GUCY2C: variants seen among roughly 807,000 people sequenced by gnomAD.
GUCY2C encodes guanylate cyclase 2C, also known as guanylyl cyclase C.
In GUCY2C, 118 loss-of-function variants were observed where a neutral mutation model predicts 131.1. That is an observed-to-expected ratio of 0.90 (90% CI 0.78 to 1.05). GUCY2C has a LOEUF of 1.05. GUCY2C is among the 50% of genes least tolerant of loss of function. The probability of loss-of-function intolerance (pLI) is 0.00; values close to 1 mark genes in which losing one functional copy is unlikely to be tolerated. For synonymous variants in GUCY2C, 452 were observed against 457.8 expected (o/e 0.99, Z 0.16); for missense variants, 1,161 against 1,304.4 (o/e 0.89, Z 1.69).
chr12:14,635,243 A>G (rs1947240646), intron 19 of GUCY2C, among the ~76,000 whole-genome samples: 1 of 152,202 alleles, frequency 6.6e-6, no homozygotes, highest in Non-Finnish European at 1.5e-5. Flanking sequence ...ATTTATAAAG[A>G]ACCAGAATTA....
chr12:14,641,745 TG>T (rs1377296422), intron 17 of GUCY2C, among the ~76,000 whole-genome samples: 9 of 152,124 alleles, frequency 5.9e-5, no homozygotes, highest in African/African-American at 2.2e-4. Flanking sequence ...GAGACCAGCC[TG>T]GCCAATATGG....
chr12:14,656,307 A>G (rs1297333568), intron 12 of GUCY2C, among the ~76,000 whole-genome samples: 2 of 152,216 alleles, frequency 1.3e-5, no homozygotes, highest in Admixed American at 6.5e-5. Flanking sequence ...CTCAGCCTCC[A>G]GGGAAGTGCT....
chr12:14,641,007 G>A (rs1478974925), intron 18 of GUCY2C, 75 bp downstream of exon 18: 1 of 1,349,908 alleles, frequency 7.4e-7, no homozygotes, highest in Non-Finnish European at 1.1e-6. Flanking sequence ...GTTACAGACA[G>A]ATTAGGGTCT....
At chr12:14,654,661 C>G (rs924204658) in intron 12 of GUCY2C, among the ~76,000 whole-genome samples, 1 of 152,112 alleles carries the variant, frequency 6.6e-6, no homozygotes, top group Non-Finnish European at 1.5e-5. Flanking sequence ...TACGGTGACA[C>G]ATGTTTTGGG....
chr12:14,623,678 G>A (rs986249709), intron 21 of GUCY2C, among the ~76,000 whole-genome samples: 3 of 152,160 alleles, frequency 2.0e-5, no homozygotes, highest in African/African-American at 7.2e-5. Context: ...GTTAAGGGAG[G>A]GACCTGGTGG....
chr12:14,613,196 C>A lies in GUCY2C; in HGVS notation c.3143G>T (p.Arg1048Ile). ...QAAGIRSQKPRRVASYKKGTL... is the reference protein window; with the variant it reads ...QAAGIRSQKPIRVASYKKGTL... ...GCCTTTTTTATAGCTGGCTACCCGT[C>A]TGGGTTTTTGGCTTCTTATCCCTGC... The change falls in exon 27 of 27, where the codon AGA (arginine) becomes ATA (isoleucine). Residue 1048 changes from arginine to isoleucine, a missense_variant. By Grantham distance (97) the Arg-to-Ile change is moderately conservative (BLOSUM62 -3). Coordinates refer to ENST00000261170, the MANE Select transcript of GUCY2C (RefSeq NM_004963.4). This position sits in a 1 kb window ranked among gnomAD's most constrained non-coding sequence, Gnocchi z 4.9. 6.2e-7 allele frequency: 1 copy of A among 1,613,460 alleles called. No individual in the cohort carries two copies. The highest frequency in any genetic ancestry group is 2.2e-5 in the East Asian group (1 of 44,858).
At chr12:14,656,374 G>C (rs1947763690) in intron 12 of GUCY2C, 138 bp downstream of exon 12, 1 of 606,124 alleles carries the variant, frequency 1.6e-6, no homozygotes, top group Non-Finnish European at 3.0e-6. Context: ...AAGGGAGAGA[G>C]CTGAAAATTA....
intron 19 of GUCY2C, among the ~76,000 whole-genome samples, chr12:14,631,870 C>A (rs1592089885): frequency 6.6e-6 from 1 of 151,368 alleles, no homozygotes; most frequent in East Asian, 1.9e-4. Context: ...GTTCCTATTT[C>A]TTCACATCCT....
chr12:14,643,511 C>T (rs911803212), intron 17 of GUCY2C, 63 bp downstream of exon 17: 34 of 1,492,244 alleles, frequency 2.3e-5, no homozygotes, highest in Middle Eastern at 1.7e-4. Context: ...TTCCTGACCA[C>T]GCTACATGGG....
chr12:14,690,783 C>G (rs368122744), intron 1 of GUCY2C, among the ~76,000 whole-genome samples: 1 of 152,088 alleles, frequency 6.6e-6, no homozygotes. Flanking sequence ...CCTCATGATC[C>G]GCCCGCCTCG....
intron 1 of GUCY2C, among the ~76,000 whole-genome samples, chr12:14,693,105 C>T (rs1033308946): frequency 6.6e-6 from 1 of 152,112 alleles, no homozygotes; most frequent in Non-Finnish European, 1.5e-5. Flanking sequence ...GCCATTTCCC[C>T]CATGCTACTT....
At chr12:14,621,016 A>G (rs764510761) in intron 23 of GUCY2C, 26 bp downstream of exon 23, 5 of 1,601,624 alleles carry the variant, frequency 3.1e-6, no homozygotes, top group African/African-American at 1.3e-5. Flanking sequence ...ATGGTTCCCA[A>G]TTTGCTAAGA....
intron 19 of GUCY2C, among the ~76,000 whole-genome samples, chr12:14,638,939 C>A (rs1947335676): frequency 1.3e-5 from 2 of 152,146 alleles, no homozygotes; most frequent in South Asian, 4.1e-4. Flanking sequence ...ATTACACATT[C>A]TGCGCATATG....
intron 13 of GUCY2C, among the ~76,000 whole-genome samples, chr12:14,652,301 A>G (rs967091510): frequency 2.0e-5 from 3 of 152,034 alleles, no homozygotes; most frequent in African/African-American, 7.2e-5. Flanking sequence ...CAGCCTCCCC[A>G]GTAGCTGGGA....
chr12:14,626,204 G>T (rs1041908913), intron 20 of GUCY2C, among the ~76,000 whole-genome samples: 3 of 151,946 alleles, frequency 2.0e-5, no homozygotes, highest in Admixed American at 6.6e-5. Flanking sequence ...GCCGGGCATG[G>T]TGGCACTACT....
chr12:14,641,417 C>A (rs986639021), intron 17 of GUCY2C, among the ~76,000 whole-genome samples, 198 bp from the exon 18 acceptor site: 1 of 152,066 alleles, frequency 6.6e-6, no homozygotes, highest in Non-Finnish European at 1.5e-5. Context: ...GAACACACAC[C>A]TTTTAGACTA....
intron 20 of GUCY2C, 53 bp downstream of exon 20, chr12:14,628,593 A>G (rs569647897): frequency 3.1e-6 from 3 of 968,078 alleles, no homozygotes; most frequent in East Asian, 2.4e-5. Context: ...TGTCAACTAT[A>G]ATTTTTTTAA....
intron 19 of GUCY2C, among the ~76,000 whole-genome samples, chr12:14,637,133 T>A (rs1412529303): frequency 7.4e-6 from 1 of 134,994 alleles, no homozygotes; most frequent in African/African-American, 2.8e-5. Context: ...TGTTTTTATA[T>A]ACCACCAATA....
At chr12:14,624,940 A>G (rs1946976628) in intron 21 of GUCY2C, among the ~76,000 whole-genome samples, 2 of 152,200 alleles carry the variant, frequency 1.3e-5, no homozygotes, top group South Asian at 2.1e-4. Flanking sequence ...AGCATTAAAG[A>G]TCAGGCAAGG....
Sources: allele counts gnomAD v4.1 joint callset (sites outside exome capture counted in the v4.1 genomes callset), GRCh38; gene constraint gnomAD v4.1.1; non-coding constraint Gnocchi (gnomAD v3.1); transcripts MANE v1.5; gene names NCBI Gene and HGNC (gene_info 2026-07-23, HGNC 2026-07-21).